Variants in PHC3 observed in about 807,000 individuals in gnomAD.
PHC3 encodes polyhomeotic homolog 3, also known as polyhomeotic-like protein 3.
Under a neutral mutation model 107.4 loss-of-function variants are expected in PHC3, and 13 were observed. The observed-to-expected ratio is 0.12, with a 90% confidence interval of 0.08 to 0.19. The LOEUF (loss-of-function observed/expected upper bound fraction) is 0.19, where lower values mean the gene tolerates loss of function less well. PHC3 is among the 10% of genes least tolerant of loss of function. The pLI, the probability that PHC3 is intolerant of heterozygous loss-of-function variation, is 1.00. For synonymous variants in PHC3, 456 were observed against 427.4 expected (o/e 1.07, Z -0.83); for missense variants, 992 against 1,210.9 (o/e 0.82, Z 2.68).
At chr3:170,172,807 C>A (rs966029891) in intron 2 of PHC3, 95 bp from the exon 3 acceptor site, 1 of 1,272,614 alleles carries the variant, frequency 7.9e-7, no homozygotes. Flanking sequence ...TTTAAAATTT[C>A]ACTGCTTTAA....
At chr3:170,156,276 A>G in intron 4 of PHC3, among the ~76,000 whole-genome samples, 1 of 151,668 alleles carries the variant, frequency 6.6e-6, no homozygotes, top group East Asian at 1.9e-4. Context: ...TTTTTTCTTG[A>G]GACAGAGTCT....
rs759274339 is a variant in PHC3 at position 170,128,768 on chromosome 3, C to T, written c.1704G>A (p.Gln568=). 6.2e-7 allele frequency: 1 copy of T among 1,614,012 alleles called. No homozygotes were observed. The highest frequency in any genetic ancestry group is 1.1e-5 in the South Asian group (1 of 91,088). Residue 568 remains glutamine, a synonymous_variant, in exon 8 of 15, where the codon CAG becomes CAA. Coordinates refer to ENST00000495893, the MANE Select transcript of PHC3 (RefSeq NM_024947.4). Reference sequence around the variant, plus strand: ...GAGGAGGAAGAGTCTGAAATGGCAACTGGACCAAAGCTTCTGCAGCTGGAA... The same window carrying T: ...GAGGAGGAAGAGTCTGAAATGGCAATTGGACCAAAGCTTCTGCAGCTGGAA... ...EELPAAEALV[Q]LPFQTLPPPQ... is the part of the protein sequence containing the mutation.
At chr3:170,158,980 G>A (rs1401182708) in intron 4 of PHC3, among the ~76,000 whole-genome samples, 1 of 147,390 alleles carries the variant, frequency 6.8e-6, no homozygotes, top group Non-Finnish European at 1.5e-5. Flanking sequence ...GGCCGGGCGT[G>A]GTGGCTCACA....
chr3:170,158,408 C>A (rs1310505577), intron 4 of PHC3, among the ~76,000 whole-genome samples: 1 of 151,908 alleles, frequency 6.6e-6, no homozygotes, highest in Non-Finnish European at 1.5e-5. Flanking sequence ...TCGAAACCAG[C>A]CTGCCAACAT....
At chr3:170,175,309 A>C (rs1166823191) in intron 2 of PHC3, among the ~76,000 whole-genome samples, 1 of 152,168 alleles carries the variant, frequency 6.6e-6, no homozygotes, top group Non-Finnish European at 1.5e-5. Flanking sequence ...TTATTAATCT[A>C]TGCAGCTTAA....
At chr3:170,176,075 A>G (rs1344303477) in intron 2 of PHC3, among the ~76,000 whole-genome samples, 1 of 150,150 alleles carries the variant, frequency 6.7e-6, no homozygotes, top group African/African-American at 2.5e-5. Flanking sequence ...AAAATACAAA[A>G]ATTAGCTGGA....
intron 8 of PHC3, among the ~76,000 whole-genome samples, chr3:170,127,430 G>A (rs1264684689): frequency 2.0e-5 from 3 of 152,126 alleles, no homozygotes; most frequent in Non-Finnish European, 2.9e-5. Flanking sequence ...GCTTCCCAAA[G>A]TGCTGGGATT....
At chr3:170,108,861 A>G (rs1717077827) in intron 11 of PHC3, among the ~76,000 whole-genome samples, 1 of 152,212 alleles carries the variant, frequency 6.6e-6, no homozygotes, top group Non-Finnish European at 1.5e-5. Context: ...GTTAATTAAC[A>G]TAGCAATGTC....
At chr3:170,158,552 A>G (rs1257804050) in intron 4 of PHC3, among the ~76,000 whole-genome samples, 1 of 151,990 alleles carries the variant, frequency 6.6e-6, no homozygotes, top group Non-Finnish European at 1.5e-5. Flanking sequence ...GCAGTGAGCC[A>G]AGACCACACC....
In PHC3 at chr3:170,095,770, CACAA is replaced by C. The variant is rs556681972; in HGVS notation, c.*1456_*1459del. The C allele has an allele frequency of 3.3e-5, 5 of 152,284 alleles. No individual in the cohort carries two copies. The East Asian group carries it at 9.6e-4, about 29-fold the overall frequency. 9.4% of individuals were successfully genotyped at this position (152,284 alleles called of 1,614,324 possible). A position where few individuals can be genotyped will look rare whatever the true frequency, so the allele number is the denominator to read the frequency against. ...AGGACTATAAAGCTTTCAGGGCTTC[CACAA>C]ACAATTTTGTTTTAGTGTCATAATT... On this transcript the variant is annotated 3_prime_UTR_variant, in exon 15 of 15. Coordinates refer to ENST00000495893, the MANE Select transcript of PHC3 (RefSeq NM_024947.4).
chr3:170,170,352 G>A (rs890226740), intron 4 of PHC3: 5 of 149,978 alleles, frequency 3.3e-5, no homozygotes, highest in African/African-American at 9.9e-5. Context: ...ACTAGAGGAA[G>A]GAGAAAGACC....
intron 14 of PHC3, among the ~76,000 whole-genome samples, chr3:170,100,124 C>T (rs981634735): frequency 5.3e-5 from 8 of 151,976 alleles, no homozygotes; most frequent in African/African-American, 1.7e-4. Context: ...AGACGATATA[C>T]AAAGAGAAGA....
intron 4 of PHC3, among the ~76,000 whole-genome samples, chr3:170,158,978 G>A (rs1034897216): frequency 6.7e-5 from 10 of 148,228 alleles, no homozygotes; most frequent in Non-Finnish European, 1.3e-4. Flanking sequence ...TGGGCCGGGC[G>A]TGGTGGCTCA....
At chr3:170,104,583 C>T (rs1716113618) in intron 12 of PHC3, among the ~76,000 whole-genome samples, 1 of 152,042 alleles carries the variant, frequency 6.6e-6, no homozygotes. Context: ...TTCAAAATTC[C>T]TTTGCTCCAA....
intron 3 of PHC3, among the ~76,000 whole-genome samples, chr3:170,171,830 CACT>C (rs901717028): frequency 1.3e-5 from 2 of 152,154 alleles, no homozygotes; most frequent in African/African-American, 4.8e-5. Context: ...TTAAAAATTA[CACT>C]ACTAAGAAGC....
intron 6 of PHC3, among the ~76,000 whole-genome samples, chr3:170,138,137 G>A (rs781054692): frequency 1.3e-5 from 2 of 152,090 alleles, no homozygotes; most frequent in Non-Finnish European, 2.9e-5. Context: ...AGGCTGCAGT[G>A]AGCCAAGATA....
intron 2 of PHC3, among the ~76,000 whole-genome samples, chr3:170,175,420 T>G (rs184650708): frequency 1.3e-5 from 2 of 151,420 alleles, no homozygotes; most frequent in Admixed American, 6.6e-5. Context: ...GGAGGAGAGC[T>G]TAAAGCCAGA....
chr3:170,160,094 T>C (rs1015672292), intron 4 of PHC3, among the ~76,000 whole-genome samples: 2 of 152,224 alleles, frequency 1.3e-5, no homozygotes, highest in African/African-American at 4.8e-5. Flanking sequence ...TCACTTTCAA[T>C]CCTTGGCACC....
intron 6 of PHC3, among the ~76,000 whole-genome samples, chr3:170,140,584 CTTTTTTTTTTT>C (rs57137783): frequency 4.3e-4 from 30 of 69,610 alleles, no homozygotes; most frequent in Non-Finnish European, 7.8e-4. Flanking sequence ...ATTTCTTTTT[CTTTTTTTTTTT>C]TTTTTTTTTT....
Sources: gnomAD v4.1 joint callset for allele counts (sites outside exome capture counted in the v4.1 genomes callset) on GRCh38, gnomAD v4.1.1 for gene constraint, MANE v1.5 for transcripts, NCBI Gene and HGNC (gene_info 2026-07-23, HGNC 2026-07-21) for gene names.